Variants in TAFA4 observed in about 807,000 individuals in gnomAD.
TAFA4 encodes the protein chemokine-like protein TAFA-4.
A neutral mutation model predicts 21.1 loss-of-function variants in TAFA4; 20 were observed. The ratio of observed to expected loss-of-function variants is 0.95; its 90% CI spans 0.67 to 1.38. TAFA4 has a LOEUF of 1.38. Ranked by LOEUF, TAFA4 falls within the 40% of genes most tolerant of loss-of-function variation. The probability of loss-of-function intolerance (pLI) is 0.00; values close to 1 mark genes in which losing one functional copy is unlikely to be tolerated. For synonymous variants in TAFA4, 71 were observed against 67.4 expected (o/e 1.05, Z -0.26); for missense variants, 211 against 180.9 (o/e 1.17, Z -0.95).
intron 3 of TAFA4, among the ~76,000 whole-genome samples, chr3:68,863,398 A>C (rs1207624488): frequency 6.6e-6 from 1 of 152,182 alleles, no homozygotes. Flanking sequence ...TTTTTCCATC[A>C]AAATGCCATC....
intron 3 of TAFA4, among the ~76,000 whole-genome samples, chr3:68,781,342 GTCTGCTCT>G (rs1703150385): frequency 7.4e-6 from 1 of 134,336 alleles, no homozygotes. Context: ...AATGAAACAA[GTCTGCTCT>G]TCAAAAGGCC....
In TAFA4 at chr3:68,813,919, A is replaced by G. The variant is rs537686653; in HGVS notation, c.131-60901T>C. ...GAACATCGAGGCAAAAATCCTCAAT[A>G]AAATACTGGCAAACCGAATCCAGCA... On this transcript the variant is annotated intron_variant, in intron 3 of 5. Coordinates refer to ENST00000295569, the MANE Select transcript of TAFA4 (RefSeq NM_182522.5). 2.0e-5 allele frequency among the ~76,000 whole-genome samples: 3 copies of G among 152,350 alleles called. No individual in the cohort carries two copies. In the South Asian group the frequency reaches 6.2e-4, roughly 32 times the overall value.
intron 3 of TAFA4, among the ~76,000 whole-genome samples, chr3:68,782,238 T>C (rs1026227435): frequency 6.6e-6 from 1 of 152,134 alleles, no homozygotes; most frequent in Non-Finnish European, 1.5e-5. Context: ...GAGAAGCATA[T>C]GAAAAGATGC....
At chr3:68,813,536 A>C (rs1703888723) in intron 3 of TAFA4, among the ~76,000 whole-genome samples, 1 of 152,230 alleles carries the variant, frequency 6.6e-6, no homozygotes, top group South Asian at 2.1e-4. Flanking sequence ...TAGTATAAAC[A>C]CCTCTATGCA....
chr3:68,743,762 A>T (rs1702401961), intron 4 of TAFA4, among the ~76,000 whole-genome samples: 1 of 152,134 alleles, frequency 6.6e-6, no homozygotes. Context: ...GATAAAAACC[A>T]GAGCTTCCCT....
intron 3 of TAFA4, among the ~76,000 whole-genome samples, chr3:68,804,216 T>G (rs1168923319): frequency 6.6e-6 from 1 of 152,144 alleles, no homozygotes; most frequent in Non-Finnish European, 1.5e-5. Context: ...TCCACACTTT[T>G]AAAGCATCTC....
intron 3 of TAFA4, among the ~76,000 whole-genome samples, chr3:68,835,588 T>C (rs932579721): frequency 1.3e-5 from 2 of 152,206 alleles, no homozygotes; most frequent in African/African-American, 4.8e-5. Flanking sequence ...GGTTAGTTGC[T>C]CAAGTGGAGC....
chr3:68,819,993 T>C (rs542491039), intron 3 of TAFA4, among the ~76,000 whole-genome samples: 2 of 152,202 alleles, frequency 1.3e-5, no homozygotes, highest in Non-Finnish European at 2.9e-5. Context: ...CCCACATTCA[T>C]TGCAGCACTA....
At chr3:68,882,236 T>C (rs2089627116) in intron 2 of TAFA4, among the ~76,000 whole-genome samples, 1 of 152,110 alleles carries the variant, frequency 6.6e-6, no homozygotes, top group Admixed American at 6.5e-5. Flanking sequence ...TGCCTTGAAA[T>C]TGTCCCTTTT....
rs17047970 is a variant in TAFA4, at chr3:68,748,374, A to G, written c.286+4489T>C. On this transcript the variant is annotated intron_variant, in intron 4 of 5. Coordinates refer to ENST00000295569, the MANE Select transcript of TAFA4 (RefSeq NM_182522.5). ...GTAAAGACAGACCCTATGTCTCATC[A>G]CACAGCCCATAAAGCCATGAAACTT... Among the ~76,000 whole-genome samples the G allele has an allele frequency of 5.6e-3, 848 of 152,336 alleles. 7 individuals carry two copies. Among genetic ancestry groups the G allele is most frequent in the African/African-American group, 0.019 (808 of 41,576 alleles).
At chr3:68,862,525 T>C (rs529639203) in intron 3 of TAFA4, among the ~76,000 whole-genome samples, 42 of 152,230 alleles carry the variant, frequency 2.8e-4, no homozygotes, top group African/African-American at 1.0e-3. Flanking sequence ...ATTTCCAGTT[T>C]AGCACATAAC....
chr3:68,883,848 G>A (rs913754054), intron 2 of TAFA4, among the ~76,000 whole-genome samples: 6 of 152,136 alleles, frequency 3.9e-5, no homozygotes, highest in Non-Finnish European at 8.8e-5. Flanking sequence ...TGGAAGGAAC[G>A]CTTGAGGCCA....
chr3:68,733,200 G>A lies in TAFA4; in HGVS notation c.412-47C>T, dbSNP rs978629903. The A allele has an allele frequency of 1.6e-5, 25 of 1,594,896 alleles. No individual in the cohort carries two copies. In the East Asian group the frequency reaches 1.8e-4, roughly 11 times the overall value. ...GAACATTCAACACTCTATACCCACCGAAATAACCATTCCTGCCCCCGAGAC... is the reference window on the plus strand; with the variant it reads ...GAACATTCAACACTCTATACCCACCAAAATAACCATTCCTGCCCCCGAGAC... On this transcript the variant is annotated intron_variant, in intron 5 of 5. Transcript: ENST00000295569.
chr3:68,776,115 A>C (rs926106325), intron 3 of TAFA4, among the ~76,000 whole-genome samples: 2 of 152,174 alleles, frequency 1.3e-5, no homozygotes, highest in Admixed American at 1.3e-4. Context: ...GAGGGACATA[A>C]AAAGAGAGGC....
chr3:68,919,283 G>T (rs186449106), intron 1 of TAFA4, among the ~76,000 whole-genome samples: 3 of 152,284 alleles, frequency 2.0e-5, no homozygotes, highest in African/African-American at 7.2e-5. Context: ...GGCAGCCCCC[G>T]TCAGGACAGA....
At chr3:68,827,071 T>G (rs1181057340) in intron 3 of TAFA4, among the ~76,000 whole-genome samples, 1 of 140,042 alleles carries the variant, frequency 7.1e-6, no homozygotes, top group Admixed American at 7.5e-5. Flanking sequence ...GTGTGTAATG[T>G]TCCTCTCTCT....
intron 1 of TAFA4, among the ~76,000 whole-genome samples, chr3:68,930,518 G>A (rs1426276450): frequency 6.6e-6 from 1 of 152,186 alleles, no homozygotes; most frequent in Non-Finnish European, 1.5e-5. Context: ...GCAAAGTCAC[G>A]CAAAGCAGAA....
At chr3:68,776,145 A>G (rs1703046094) in intron 3 of TAFA4, among the ~76,000 whole-genome samples, 1 of 152,188 alleles carries the variant, frequency 6.6e-6, no homozygotes, top group Non-Finnish European at 1.5e-5. Flanking sequence ...AAAACAAAAA[A>G]ATAAGCCGGT....
At chr3:68,752,605 T>C (rs1575595424) in intron 4 of TAFA4, among the ~76,000 whole-genome samples, 1 of 151,988 alleles carries the variant, frequency 6.6e-6, no homozygotes, top group Admixed American at 6.6e-5. Flanking sequence ...TGGAGACAGG[T>C]GGGTAAAAGG....
Sources: gnomAD v4.1 joint callset for allele counts (sites outside exome capture counted in the v4.1 genomes callset) on GRCh38, gnomAD v4.1.1 for gene constraint, MANE v1.5 for transcripts, NCBI Gene and HGNC (gene_info 2026-07-23, HGNC 2026-07-21) for gene names.